Variants in KRTCAP3 observed in about 807,000 individuals in gnomAD.
KRTCAP3 encodes keratinocyte-associated protein 3.
Under a neutral mutation model 20.5 loss-of-function variants are expected in KRTCAP3, and 18 were observed. That is an observed-to-expected ratio of 0.88 (90% CI 0.61 to 1.31). The LOEUF (loss-of-function observed/expected upper bound fraction) is 1.31. KRTCAP3 is among the 50% of genes most tolerant of loss of function. The pLI, the probability that KRTCAP3 is intolerant of heterozygous loss-of-function variation, is 0.00. For missense variants in KRTCAP3, 347 were observed against 310.4 expected (o/e 1.12, Z -0.89); for synonymous variants, 167 against 133.7 (o/e 1.25, Z -1.72).
chr2:27,444,951 G>GTTTTTTTT, downstream of KRTCAP3: 1 of 1,513,338 alleles, frequency 6.6e-7, no homozygotes, highest in Non-Finnish European at 9.0e-7. Context: ...ACCCAGACTT[G>GTTTTTTTT]TTTTTTTTTC....
chr2:27,445,098 G>A (rs1664935170), downstream of KRTCAP3: 1 of 1,614,058 alleles, frequency 6.2e-7, no homozygotes, highest in Non-Finnish European at 8.5e-7. The surrounding 1 kb of genome is among the most constrained non-coding windows in gnomAD (Gnocchi z 4.4). Flanking sequence ...TCCTCAGAAT[G>A]GGGTATCCTG....
Position 27,443,226 on chromosome 2 carries a change from A to T in KRTCAP3, c.426A>T (p.Pro142=). 1 of 1,614,130 alleles carries T rather than the reference A, an allele frequency of 6.2e-7. No homozygotes were observed. The highest frequency in any genetic ancestry group is 1.1e-5 in the South Asian group (1 of 91,072). The stretch of plus-strand genomic sequence containing the variant: ...CAGGACTGCTGGATCCTCTGGTACC[A>T]CTGGATGAGGGGCCGGGACATACTG... The part of the protein sequence containing the change: ...CHPGLLDPLV[P]LDEGPGHTDC... The change falls in exon 4 of 7, where the codon CCA becomes CCT. Residue 142 remains proline (P), a synonymous_variant. Coordinates refer to ENST00000288873, the MANE Select transcript of KRTCAP3 (RefSeq NM_173853.4).
rs747413587 is a variant in KRTCAP3, at chr2:27,442,439, C to G, written c.27C>G (p.Phe9Leu). 1.3e-6 allele frequency: 2 copies of G among 1,569,632 alleles called. No individual in the cohort carries two copies. The highest frequency in any genetic ancestry group is 2.3e-5 in the South Asian group (2 of 85,462). MRRCSLCA[F>L]DAARGPRRLM... ...TGAGGCGCTGCAGTCTCTGCGCTTT[C>G]GGTAACTTCCGGGCCCTGGCGTCTC... is the stretch of plus-strand genomic sequence containing the variant. The change falls in exon 1 of 7, where the codon TTC becomes TTG. Residue 9 changes from phenylalanine to leucine, a missense_variant and splice_region_variant. Physicochemically the swap from Phe to Leu is conservative, Grantham distance 22 (BLOSUM62 0). Coordinates refer to ENST00000288873, the MANE Select transcript of KRTCAP3 (RefSeq NM_173853.4).
chr2:27,445,652 G>A, downstream of KRTCAP3: 1 of 1,472,840 alleles, frequency 6.8e-7, no homozygotes. The surrounding 1 kb of genome is among the most constrained non-coding windows in gnomAD (Gnocchi z 4.4). Context: ...TGAGGGCTGA[G>A]GTCCTTCCAA....
In KRTCAP3 at chr2:27,443,057, T is replaced by A; in HGVS notation, c.274-17T>A. On this transcript the variant is annotated splice_polypyrimidine_tract_variant and intron_variant, in intron 3 of 6. Transcript: ENST00000288873. ...GCCAGGCCCAGGCTGCTCACCCTGA[T>A]CTCCTGTCCCTGCCAGCACTGGGTC... The A allele has an allele frequency of 6.2e-7, 1 of 1,609,512 alleles. No individual in the cohort carries two copies. The highest frequency in any genetic ancestry group is 8.5e-7 in the Non-Finnish European group (1 of 1,176,688).
chr2:27,444,955 T>C, downstream of KRTCAP3: 5 of 1,575,710 alleles, frequency 3.2e-6, no homozygotes, highest in Non-Finnish European at 4.3e-6. Context: ...AGACTTGTTT[T>C]TTTTTCTTTT....
intron 2 of KRTCAP3, 30 bp from the exon 3 acceptor site, chr2:27,442,812 A>C: frequency 6.2e-7 from 1 of 1,611,408 alleles, no homozygotes; most frequent in Non-Finnish European, 8.5e-7. Context: ...CGGAGAGCCC[A>C]GCAGGCCAAA....
intron 5 of KRTCAP3, 49 bp from the exon 6 acceptor site, chr2:27,443,900 C>A (rs1664780001): frequency 3.8e-6 from 4 of 1,046,212 alleles, no homozygotes; most frequent in Non-Finnish European, 6.0e-6. Flanking sequence ...AAAAAAGATG[C>A]TGACCTATCA....
At position 27,444,021 on chromosome 2, in the gene KRTCAP3, CA is replaced by C. The variant is rs1325916163; in HGVS notation, c.690del (p.Glu231LysfsTer33). The C allele has an allele frequency of 1.2e-6, 2 of 1,613,812 alleles. No homozygotes were observed. Among genetic ancestry groups the C allele is most frequent in the South Asian group, 2.2e-5 (2 of 91,070 alleles). On this transcript the variant is annotated frameshift_variant, in exon 6 of 7. Coordinates refer to ENST00000288873, the MANE Select transcript of KRTCAP3 (RefSeq NM_173853.4). LOFTEE classifies it low-confidence loss of function (END_TRUNC). ...QENEQLLDQN[Q>X]EIRASQRSWV is the part of the protein sequence containing the mutation. ...AAATGAGCAGCTACTGGATCAAAAT[CA>C]AGAAATCCGGGCATCACAGAGAAGT...
At chr2:27,445,344 G>C (rs1322032604), downstream of KRTCAP3, 1 of 1,613,474 alleles carries the variant, frequency 6.2e-7, no homozygotes. The surrounding 1 kb of genome is among the most constrained non-coding windows in gnomAD (Gnocchi z 4.4). Context: ...GCTGCCACTA[G>C]GGAGGCCTCG....
downstream of KRTCAP3, chr2:27,445,452 G>A (rs1416199983): frequency 6.2e-7 from 1 of 1,609,290 alleles, no homozygotes. The surrounding 1 kb of genome is among the most constrained non-coding windows in gnomAD (Gnocchi z 4.4). Flanking sequence ...TCAGCCTCCT[G>A]GAAAGGACAA....
chr2:27,443,012 T>C (rs914731827), intron 3 of KRTCAP3, 62 bp from the exon 4 acceptor site: 33 of 1,569,452 alleles, frequency 2.1e-5, no homozygotes, highest in Non-Finnish European at 2.7e-5. Context: ...AAACTGGGTG[T>C]CTAGTCACTG....
rs1166818639 is a variant in KRTCAP3, at chr2:27,442,388, C to T, written c.-25C>T. Reference sequence around the variant, plus strand: ...GCGGGGCCGGGCCCAGGTACAGCGGCCCTGCGGCTGGCGCGGCGGACGGGA... The same window carrying T: ...GCGGGGCCGGGCCCAGGTACAGCGGTCCTGCGGCTGGCGCGGCGGACGGGA... On this transcript the variant is annotated 5_prime_UTR_variant, in exon 1 of 7. Transcript: ENST00000288873. 1.0e-5 allele frequency: 16 copies of T among 1,547,402 alleles called. No homozygotes were observed. The highest frequency in any genetic ancestry group is 7.2e-5 in the South Asian group (6 of 83,752).
downstream of KRTCAP3, chr2:27,444,947 A>G: frequency 6.5e-7 from 1 of 1,549,982 alleles, no homozygotes; most frequent in Non-Finnish European, 8.8e-7. Flanking sequence ...CTGCACCCAG[A>G]CTTGTTTTTT....
At chr2:27,445,854 G>A (rs1238848656), downstream of KRTCAP3, 2 of 1,614,188 alleles carry the variant, frequency 1.2e-6, no homozygotes, top group East Asian at 2.2e-5. This position sits in a 1 kb window ranked among gnomAD's most constrained non-coding sequence, Gnocchi z 4.4. Context: ...CTGCAGTAGA[G>A]TGGGCAACCA....
rs61732551 is a variant in KRTCAP3, at chr2:27,442,800, C to T, written c.213+37C>T. 8 of 1,611,328 alleles carry T rather than the reference C, an allele frequency of 5.0e-6. No homozygotes were observed. The African/African-American group carries it at 1.1e-4, about 22-fold the overall frequency. ...AGGCGACCCGGGCGGGGGCCGGGCT[C>T]CCGGAGAGCCCAGCAGGCCAAAGGC... is the stretch of plus-strand genomic sequence containing the variant. On this transcript the variant is annotated intron_variant, in intron 2 of 6. Transcript: ENST00000288873.
chr2:27,442,408 A>T lies in KRTCAP3; in HGVS notation c.-5A>T. On this transcript the variant is annotated 5_prime_UTR_variant, in exon 1 of 7. Coordinates refer to ENST00000288873, the MANE Select transcript of KRTCAP3 (RefSeq NM_173853.4). ...AGCGGCCCTGCGGCTGGCGCGGCGGACGGGATGAGGCGCTGCAGTCTCTGC... is the reference window on the plus strand; with the variant it reads ...AGCGGCCCTGCGGCTGGCGCGGCGGTCGGGATGAGGCGCTGCAGTCTCTGC... 1 of 1,553,776 alleles carries T rather than the reference A, an allele frequency of 6.4e-7. No individual in the cohort carries two copies. The highest frequency in any genetic ancestry group is 8.7e-7 in the Non-Finnish European group (1 of 1,150,852).
At chr2:27,442,930 C>T (rs140104466) in intron 3 of KRTCAP3, 29 bp downstream of exon 3, 72 of 1,611,950 alleles carry the variant, frequency 4.5e-5, no homozygotes, top group Admixed American at 1.0e-4. Flanking sequence ...GAGCTTTTAA[C>T]GAGTAGGCTT....
intron 3 of KRTCAP3, 37 bp from the exon 4 acceptor site, chr2:27,443,037 G>GCCCA: frequency 6.3e-7 from 1 of 1,593,052 alleles, no homozygotes; most frequent in Non-Finnish European, 8.6e-7. Context: ...AGTTAGCCAG[G>GCCCA]CCCAGGCTGC....
Sources: allele counts gnomAD v4.1 joint callset, GRCh38; gene constraint gnomAD v4.1.1; non-coding constraint Gnocchi (gnomAD v3.1); transcripts MANE v1.5; gene names NCBI Gene and HGNC (gene_info 2026-07-23, HGNC 2026-07-21).